Variants in ADCY2 observed in about 807,000 individuals in gnomAD.
ADCY2 encodes adenylate cyclase type 2.
A neutral mutation model predicts 125.2 loss-of-function variants in ADCY2; 31 were observed. The observed-to-expected ratio is 0.25, with a 90% confidence interval of 0.19 to 0.33. The LOEUF is 0.33. ADCY2 is among the 10% of genes least tolerant of loss of function. The pLI, the probability that ADCY2 is intolerant of heterozygous loss-of-function variation, is 1.00. For missense variants in ADCY2, 904 were observed against 1,418.2 expected, an observed-to-expected ratio of 0.64 and a Z score of 5.82; for synonymous variants, 512 against 548.4, an observed-to-expected ratio of 0.93 and a Z score of 0.93.
chr5:7,623,140 C>T (rs949291565), intron 3 of ADCY2, among the ~76,000 whole-genome samples: 8 of 152,186 alleles, frequency 5.3e-5, no homozygotes, highest in Non-Finnish European at 1.0e-4. Flanking sequence ...AGCCCAGGGA[C>T]AGATGATGGC....
intron 2 of ADCY2, among the ~76,000 whole-genome samples, chr5:7,466,093 A>G (rs1293522176): frequency 1.3e-5 from 2 of 152,224 alleles, no homozygotes; most frequent in Non-Finnish European, 2.9e-5. Context: ...GTAATGATTA[A>G]AACATTTTAA....
intron 24 of ADCY2, among the ~76,000 whole-genome samples, chr5:7,826,195 A>C (rs139216808): frequency 1.3e-5 from 2 of 152,128 alleles, no homozygotes; most frequent in Non-Finnish European, 1.5e-5. Context: ...AGGAGTCTAC[A>C]GTGCTCAGTG....
intron 1 of ADCY2, among the ~76,000 whole-genome samples, chr5:7,407,376 C>T (rs1428582627): frequency 1.3e-5 from 2 of 152,108 alleles, no homozygotes; most frequent in African/African-American, 2.4e-5. Context: ...TTAACTGACT[C>T]ACAGTTCTGC....
In ADCY2 at chr5:7,716,741, G is replaced by C. The variant is rs148659963; in HGVS notation, c.1623-416G>C. On this transcript the variant is annotated intron_variant, in intron 11 of 24. Coordinates refer to ENST00000338316, the MANE Select transcript of ADCY2 (RefSeq NM_020546.3). ...TTTGGCATGTTCTCACTCATATGTG[G>C]GAGCCAAAGAAGTTTATCTCATGGA... is the stretch of plus-strand genomic sequence containing the variant. Among the ~76,000 whole-genome samples, 322 of 152,272 alleles carry C rather than the reference G, an allele frequency of 2.1e-3. 1 individual carries two copies. Among genetic ancestry groups the C allele is most frequent in the African/African-American group, 7.0e-3 (290 of 41,542 alleles).
At chr5:7,628,432 G>A (rs1738202975) in intron 4 of ADCY2, among the ~76,000 whole-genome samples, 1 of 152,172 alleles carries the variant, frequency 6.6e-6, no homozygotes, top group African/African-American at 2.4e-5. Flanking sequence ...GCAGCTGAAA[G>A]CACATGGCAT....
intron 3 of ADCY2, among the ~76,000 whole-genome samples, chr5:7,596,597 G>A (rs111772928): frequency 6.6e-6 from 1 of 152,172 alleles, no homozygotes; most frequent in Non-Finnish European, 1.5e-5. Flanking sequence ...GGAGATCCCC[G>A]GGGAGGTCAC....
At chr5:7,484,504 G>A (rs1424059338) in intron 2 of ADCY2, among the ~76,000 whole-genome samples, 2 of 152,184 alleles carry the variant, frequency 1.3e-5, no homozygotes, top group Non-Finnish European at 2.9e-5. Flanking sequence ...TGCCCAGAAA[G>A]TAACTGCCTT....
chr5:7,400,079 T>C (rs1039064893), intron 1 of ADCY2, among the ~76,000 whole-genome samples: 3 of 151,596 alleles, frequency 2.0e-5, no homozygotes, highest in African/African-American at 7.3e-5. Flanking sequence ...TGCCTGTCAG[T>C]GTTAAGAAAG....
At chr5:7,649,628 T>C (rs901092071) in intron 4 of ADCY2, among the ~76,000 whole-genome samples, 1 of 152,202 alleles carries the variant, frequency 6.6e-6, no homozygotes, top group Non-Finnish European at 1.5e-5. Flanking sequence ...GTCTCCAGTC[T>C]GTTCTCTGCC....
At chr5:7,725,324 A>G (rs940145537) in intron 13 of ADCY2, among the ~76,000 whole-genome samples, 2 of 152,242 alleles carry the variant, frequency 1.3e-5, no homozygotes, top group African/African-American at 4.8e-5. Context: ...CCTACTTTGA[A>G]CAAAAGTTAC....
At chr5:7,725,140 T>A (rs1475214434) in intron 13 of ADCY2, among the ~76,000 whole-genome samples, 1 of 152,170 alleles carries the variant, frequency 6.6e-6, no homozygotes, top group East Asian at 1.9e-4. Flanking sequence ...AGACATTTAG[T>A]TTTTACATGT....
intron 3 of ADCY2, among the ~76,000 whole-genome samples, chr5:7,548,179 A>C (rs1162429325): frequency 6.6e-6 from 1 of 152,188 alleles, no homozygotes; most frequent in East Asian, 1.9e-4. Context: ...GGGAAGTGCA[A>C]ATATTAGCTA....
At chr5:7,486,683 C>T (rs1294520570) in intron 2 of ADCY2, among the ~76,000 whole-genome samples, 2 of 152,108 alleles carry the variant, frequency 1.3e-5, no homozygotes, top group Non-Finnish European at 2.9e-5. Context: ...TTTCTTGCCT[C>T]CATAAATTCT....
At chr5:7,557,511 T>C (rs1735565031) in intron 3 of ADCY2, among the ~76,000 whole-genome samples, 1 of 152,162 alleles carries the variant, frequency 6.6e-6, no homozygotes, top group Admixed American at 6.6e-5. Flanking sequence ...TTTATCCTAA[T>C]CCTCTCCCTC....
intron 14 of ADCY2, among the ~76,000 whole-genome samples, chr5:7,741,510 CCAT>C (rs952390649): frequency 7.9e-5 from 12 of 151,906 alleles, no homozygotes; most frequent in Non-Finnish European, 1.5e-4. Flanking sequence ...ACCACCACCA[CCAT>C]CACCACACCA....
intron 20 of ADCY2, among the ~76,000 whole-genome samples, chr5:7,790,695 A>C (rs1744224847): frequency 6.6e-6 from 1 of 152,200 alleles, no homozygotes; most frequent in Non-Finnish European, 1.5e-5. Context: ...GCCCAGGAAA[A>C]AGAAACACAA....
At chr5:7,698,115 A>G (rs988180530) in intron 6 of ADCY2, 132 bp from the exon 7 acceptor site, 5 of 1,070,942 alleles carry the variant, frequency 4.7e-6, no homozygotes, top group African/African-American at 3.2e-5. Flanking sequence ...GGGAAGCCCA[A>G]CTGGTTCTCA....
intron 1 of ADCY2, among the ~76,000 whole-genome samples, chr5:7,402,055 C>T (rs762062576): frequency 6.6e-6 from 1 of 152,192 alleles, no homozygotes. Context: ...CCTGAACTGG[C>T]TCACCCCTTG....
chr5:7,765,447 C>T (rs1215887053), intron 16 of ADCY2, among the ~76,000 whole-genome samples: 3 of 152,082 alleles, frequency 2.0e-5, no homozygotes, highest in African/African-American at 7.2e-5. Flanking sequence ...CAAGTTCTTT[C>T]ATCATACATA....
Sources: gnomAD v4.1 joint callset for allele counts (sites outside exome capture counted in the v4.1 genomes callset) on GRCh38, gnomAD v4.1.1 for gene constraint, MANE v1.5 for transcripts, NCBI Gene and HGNC (gene_info 2026-07-23, HGNC 2026-07-21) for gene names.